The following MBOAT2 variants were observed in gnomAD, a reference collection of about 807,000 sequenced individuals.
MBOAT2 encodes membrane bound glycerophospholipid O-acyltransferase 2.
In MBOAT2, 28 loss-of-function variants were observed where a neutral mutation model predicts 63.4. That is an observed-to-expected ratio of 0.44 (90% CI 0.33 to 0.61). The LOEUF is 0.61. Among genes scored for constraint, MBOAT2 ranks in the 20% least tolerant of loss-of-function variants. MBOAT2 has a pLI of 0.03. For missense variants in MBOAT2, 470 were observed against 605.8 expected (o/e 0.78, Z 2.35); for synonymous variants, 211 against 215.6 (o/e 0.98, Z 0.19).
At chr2:8,995,199 C>T (rs1236155005) in intron 1 of MBOAT2, among the ~76,000 whole-genome samples, 3 of 152,188 alleles carry the variant, frequency 2.0e-5, no homozygotes, top group African/African-American at 7.2e-5. Context: ...CCACTGCACT[C>T]CAGCCTATCT....
chr2:8,855,744 A>G lies in MBOAT2; in HGVS notation c.*2935T>C, dbSNP rs961719445. ...AAATTATACTCTTACTGTTTCAAGA[A>G]AATGAAATTGAAGGATGAGTAGTTA... On this transcript the variant is annotated 3_prime_UTR_variant, in exon 13 of 13. Transcript: ENST00000305997. The G allele has an allele frequency of 3.3e-5, 5 of 152,242 alleles. No homozygotes were observed. Among genetic ancestry groups the G allele is most frequent in the African/African-American group, 1.2e-4 (5 of 41,470 alleles). The allele number at this position is 152,242 out of a possible 1,614,324, so 9.4% of individuals were successfully genotyped here.
intron 1 of MBOAT2, among the ~76,000 whole-genome samples, chr2:8,975,558 A>C (rs1461183902): frequency 1.3e-5 from 2 of 152,186 alleles, no homozygotes; most frequent in Non-Finnish European, 2.9e-5. Flanking sequence ...CAAGGGGAGC[A>C]GACTAATACA....
At chr2:8,910,056 C>G (rs917676473) in intron 3 of MBOAT2, among the ~76,000 whole-genome samples, 4 of 152,146 alleles carry the variant, frequency 2.6e-5, no homozygotes, top group African/African-American at 9.7e-5. Flanking sequence ...CCATAATTAA[C>G]CTGGGAGTTT....
intron 1 of MBOAT2, among the ~76,000 whole-genome samples, chr2:8,973,837 G>A (rs1670632285): frequency 6.6e-6 from 1 of 152,122 alleles, no homozygotes; most frequent in African/African-American, 2.4e-5. Context: ...TAAGGAAACA[G>A]GCACACTAAA....
intron 3 of MBOAT2, among the ~76,000 whole-genome samples, chr2:8,940,838 A>G (rs1668001669): frequency 1.3e-5 from 2 of 152,224 alleles, no homozygotes; most frequent in Non-Finnish European, 2.9e-5. Context: ...GTACACAGAT[A>G]AATTCAAATC....
chr2:8,964,425 G>C (rs1398663003), intron 1 of MBOAT2, among the ~76,000 whole-genome samples: 1 of 149,342 alleles, frequency 6.7e-6, no homozygotes, highest in African/African-American at 2.5e-5. Flanking sequence ...TTAATACCCA[G>C]AGTAGAACCT....
intron 4 of MBOAT2, among the ~76,000 whole-genome samples, chr2:8,903,395 T>C (rs1184522456): frequency 6.6e-6 from 1 of 152,182 alleles, no homozygotes; most frequent in African/African-American, 2.4e-5. Context: ...TGAGCAGTAG[T>C]AAACATTTAC....
intron 1 of MBOAT2, among the ~76,000 whole-genome samples, chr2:8,997,919 T>G (rs1672421180): frequency 6.6e-6 from 1 of 152,206 alleles, no homozygotes; most frequent in Non-Finnish European, 1.5e-5. Context: ...TCAGGGCTCG[T>G]GGTATTTTGC....
rs997543174 is a variant in MBOAT2 at position 8,968,052 on chromosome 2, T to C, written c.76-9410A>G. 1.1e-4 allele frequency among the ~76,000 whole-genome samples: 16 copies of C among 151,882 alleles called. No homozygotes were observed. The East Asian group carries it at 3.1e-3, about 29-fold the overall frequency. On this transcript the variant is annotated intron_variant, in intron 1 of 12. Transcript: ENST00000305997. ...AGTAGTGGTTCTTCGAGCACGGAGTTTGAGATCTGAGAACAGACAGACTGC... is the reference window on the plus strand; with the variant it reads ...AGTAGTGGTTCTTCGAGCACGGAGTCTGAGATCTGAGAACAGACAGACTGC...
intron 4 of MBOAT2, among the ~76,000 whole-genome samples, chr2:8,905,352 CA>C (rs940050015): frequency 7.2e-4 from 108 of 149,960 alleles, no homozygotes; most frequent in African/African-American, 2.6e-3. Context: ...AAAAACAAAA[CA>C]AAAAAAAACA....
intron 4 of MBOAT2, among the ~76,000 whole-genome samples, chr2:8,892,076 T>C (rs1449797084): frequency 6.6e-6 from 1 of 152,170 alleles, no homozygotes; most frequent in African/African-American, 2.4e-5. Context: ...ATAGTAGGAT[T>C]TGGTTCTATT....
At position 8,958,598 on chromosome 2, in the gene MBOAT2, A is replaced by G; in HGVS notation, c.120T>C (p.Ile40=). 1.9e-6 allele frequency: 3 copies of G among 1,610,218 alleles called. No homozygotes were observed. In the South Asian group the frequency reaches 3.3e-5, roughly 18 times the overall value. The change falls in exon 2 of 13, where the codon ATT becomes ATC. Residue 40 remains isoleucine (I), a synonymous_variant. Coordinates refer to ENST00000305997, the MANE Select transcript of MBOAT2 (RefSeq NM_138799.4). The part of the protein sequence containing the change: ...VCQLFALLAA[I]WFRTYLHSSK... ...TTGAATGTAGATAAGTTCGAAACCA[A>G]ATGGCTGCTAGCAAGGCAAAGAGTT...
chr2:8,969,318 T>C (rs1258472805), intron 1 of MBOAT2, among the ~76,000 whole-genome samples: 1 of 152,062 alleles, frequency 6.6e-6, no homozygotes, highest in African/African-American at 2.4e-5. Context: ...GACAAGCAAA[T>C]GCTGAGAGAT....
chr2:8,935,380 T>A (rs956947511), intron 3 of MBOAT2, among the ~76,000 whole-genome samples: 1 of 152,246 alleles, frequency 6.6e-6, no homozygotes, highest in Admixed American at 6.5e-5. Flanking sequence ...TGAGCTCCTA[T>A]CATCTGCATG....
chr2:8,912,288 G>GGAAAAGAAA (rs1486441989), intron 3 of MBOAT2, among the ~76,000 whole-genome samples: 1 of 84,512 alleles, frequency 1.2e-5, no homozygotes, highest in Non-Finnish European at 2.5e-5. Context: ...AAAGACAGAA[G>GGAAAAGAAA]GAAAAGAAAG....
At chr2:8,902,029 G>A (rs1224765470) in intron 4 of MBOAT2, among the ~76,000 whole-genome samples, 3 of 152,140 alleles carry the variant, frequency 2.0e-5, no homozygotes, top group Non-Finnish European at 2.9e-5. Context: ...ACTTGTTGTC[G>A]GGACCCCGGA....
At chr2:8,994,013 A>G (rs1235032031) in intron 1 of MBOAT2, among the ~76,000 whole-genome samples, 2 of 152,192 alleles carry the variant, frequency 1.3e-5, no homozygotes, top group African/African-American at 4.8e-5. Context: ...ACTACTTTAT[A>G]GATGAGGAAA....
intron 2 of MBOAT2, among the ~76,000 whole-genome samples, chr2:8,957,513 A>C (rs545406330): frequency 1.3e-5 from 2 of 152,332 alleles, no homozygotes; most frequent in Middle Eastern, 6.8e-3. Context: ...CACAGGCAAA[A>C]ATTAGATTAA....
At chr2:8,897,952 G>A (rs1041896197) in intron 4 of MBOAT2, among the ~76,000 whole-genome samples, 4 of 152,174 alleles carry the variant, frequency 2.6e-5, no homozygotes, top group Middle Eastern at 3.2e-3. Context: ...TTTACATCAC[G>A]AGTAGTTCAG....
Sources: allele counts gnomAD v4.1 joint callset (sites outside exome capture counted in the v4.1 genomes callset), GRCh38; gene constraint gnomAD v4.1.1; transcripts MANE v1.5; gene names NCBI Gene and HGNC (gene_info 2026-07-23, HGNC 2026-07-21).